TIAM2: variants seen among roughly 807,000 people sequenced by gnomAD.
The protein encoded by TIAM2 is rho guanine nucleotide exchange factor TIAM2.
In TIAM2, 80 loss-of-function variants were observed where a neutral mutation model predicts 152.9. That is an observed-to-expected ratio of 0.52 (90% CI 0.44 to 0.63). The LOEUF is 0.63. Among genes scored for constraint, TIAM2 ranks in the 30% least tolerant of loss-of-function variants. TIAM2 has a pLI of 0.00. For synonymous variants in TIAM2, 804 were observed against 838.0 expected (o/e 0.96, Z 0.70); for missense variants, 1,965 against 2,120.1 (o/e 0.93, Z 1.44).
At chr6:155,088,413 T>C (rs957417584) in intron 1 of TIAM2, among the ~76,000 whole-genome samples, 1 of 152,220 alleles carries the variant, frequency 6.6e-6, no homozygotes, top group Non-Finnish European at 1.5e-5. Context: ...GCATGAGTCA[T>C]TGTGATAGTC....
chr6:155,179,143 G>A lies in TIAM2; in HGVS notation c.2628G>A (p.Gln876=), dbSNP rs200288467. 2 of 1,610,414 alleles carry A rather than the reference G, an allele frequency of 1.2e-6. No individual in the cohort carries two copies. The highest frequency in any genetic ancestry group is 2.2e-5 in the East Asian group (1 of 44,858). The change falls in exon 11 of 27, where the codon CAG becomes CAA. Residue 876 remains glutamine (Q), a splice_region_variant and synonymous_variant. Coordinates refer to ENST00000682666, the MANE Select transcript of TIAM2 (RefSeq NM_012454.4). ...CACCATATGAATATATGCAACAACAGGTAAGTGTGCACTAGCTTTAGGAAG... is the reference window on the plus strand; with the variant it reads ...CACCATATGAATATATGCAACAACAAGTAAGTGTGCACTAGCTTTAGGAAG... ...IPAPYEYMQQ[Q]VYDEIEVFPL...
At chr6:155,063,086 G>A (rs954354743) in intron 1 of TIAM2, among the ~76,000 whole-genome samples, 1 of 151,846 alleles carries the variant, frequency 6.6e-6, no homozygotes, top group African/African-American at 2.4e-5. Flanking sequence ...TTGGATATGC[G>A]ATTTGCAGAT....
chr6:155,137,083 C>A, intron 4 of TIAM2, 94 bp from the exon 5 acceptor site: 2 of 1,307,870 alleles, frequency 1.5e-6, no homozygotes, highest in Non-Finnish European at 2.1e-6. Flanking sequence ...ATTACATTAT[C>A]AGCAGCCACT....
Position 155,179,411 on chromosome 6 carries a change from G to A in TIAM2, c.2662G>A (p.Val888Ile). ...YDEIEVFPLN[V>I]YDVQLTKTGS... ...TGAAATAGAAGTCTTTCCACTAAAT[G>A]TTTATGACGTGCAGCTCACGAAGAC... Residue 888 changes from valine (V) to isoleucine (I), a missense_variant, in exon 12 of 27, where the codon GTT becomes ATT. Val to Ile is a conservative substitution (Grantham distance 29). Around this residue, in one of 3 missense-constraint regions of TIAM2, gnomAD observed 1,025 missense variants for 1,119.4 expected, o/e 0.92. Transcript: ENST00000682666. 1 of 1,613,826 alleles carries A rather than the reference G, an allele frequency of 6.2e-7. No individual in the cohort carries two copies. The highest frequency in any genetic ancestry group is 8.5e-7 in the Non-Finnish European group (1 of 1,179,958).
At chr6:155,116,598 A>G (rs73573789) in intron 2 of TIAM2, among the ~76,000 whole-genome samples, 5,481 of 152,262 alleles carry the variant, frequency 0.036, 112 homozygotes, top group Middle Eastern at 0.061. Context: ...TGGTTACAGA[A>G]TGTGATTGGG....
At chr6:155,170,484 G>C (rs1247387474) in intron 9 of TIAM2, among the ~76,000 whole-genome samples, 1 of 152,070 alleles carries the variant, frequency 6.6e-6, no homozygotes, top group Admixed American at 6.5e-5. Context: ...GAGTGTAGTG[G>C]CTTGCTCCTC....
chr6:155,017,038 A>T (rs1778602708), intron 1 of TIAM2, among the ~76,000 whole-genome samples: 1 of 152,188 alleles, frequency 6.6e-6, no homozygotes, highest in Admixed American at 6.5e-5. Context: ...GATGACAGAG[A>T]ATTAATATGT....
intron 1 of TIAM2, among the ~76,000 whole-genome samples, chr6:155,016,725 C>G (rs1313832404): frequency 6.6e-6 from 1 of 152,022 alleles, no homozygotes; most frequent in East Asian, 1.9e-4. Flanking sequence ...ATGGTGAAAC[C>G]TGTCTCTACT....
chr6:155,029,357 A>C (rs1179549056), intron 1 of TIAM2, among the ~76,000 whole-genome samples: 1 of 103,082 alleles, frequency 9.7e-6, no homozygotes, highest in East Asian at 2.3e-4. Context: ...TATATACGTT[A>C]TATATAATAT....
At chr6:155,151,849 C>CTTTTTTTTTTT (rs5881123) in intron 7 of TIAM2, among the ~76,000 whole-genome samples, 1 of 127,680 alleles carries the variant, frequency 7.8e-6, no homozygotes, top group Non-Finnish European at 1.6e-5. Context: ...CTTTTTTTTT[C>CTTTTTTTTTTT]TTTTTTTTTT....
chr6:155,079,130 C>T (rs1287623729), intron 1 of TIAM2, among the ~76,000 whole-genome samples: 1 of 151,902 alleles, frequency 6.6e-6, no homozygotes, highest in East Asian at 1.9e-4. Context: ...GGTGCGATCT[C>T]GGCTCACTAC....
intron 13 of TIAM2, 77 bp from the exon 14 acceptor site, chr6:155,183,160 G>A: frequency 2.0e-6 from 3 of 1,538,002 alleles, no homozygotes; most frequent in South Asian, 2.5e-5. Context: ...GTTTGAGTTT[G>A]CAGCCTTCTT....
intron 2 of TIAM2, among the ~76,000 whole-genome samples, chr6:155,098,200 A>AT (rs1365502323): frequency 6.6e-6 from 1 of 150,598 alleles, no homozygotes; most frequent in Non-Finnish European, 1.5e-5. Flanking sequence ...TTTTTTTCCT[A>AT]TTTTTGTGAG....
intron 1 of TIAM2, among the ~76,000 whole-genome samples, chr6:155,004,537 G>C (rs1267051875): frequency 6.6e-6 from 1 of 151,916 alleles, no homozygotes; most frequent in Non-Finnish European, 1.5e-5. Context: ...ACTTGTTACA[G>C]GCGCCCGCCA....
intron 1 of TIAM2, among the ~76,000 whole-genome samples, chr6:155,054,582 GTTTTGTTTTTTTTT>G (rs928876436): frequency 6.1e-5 from 3 of 49,532 alleles, no homozygotes; most frequent in African/African-American, 1.5e-4. Context: ...GTTTTGTTTT[GTTTTGTTTTTTTTT>G]TTTGAGACGG....
chr6:155,256,473 T>TC lies in TIAM2; in HGVS notation c.4469-10dup. 1 of 1,614,130 alleles carries TC rather than the reference T, an allele frequency of 6.2e-7. No individual in the cohort carries two copies. The highest frequency in any genetic ancestry group is 8.5e-7 in the Non-Finnish European group (1 of 1,180,036). On this transcript the variant is annotated splice_polypyrimidine_tract_variant and intron_variant, in intron 26 of 26. Coordinates refer to ENST00000682666, the MANE Select transcript of TIAM2 (RefSeq NM_012454.4). ...TCTGTATCACAGCGAAATGTGTTTT[T>TC]CTCACTGTAGCTTCATCCAGGTCTT...
intron 1 of TIAM2, among the ~76,000 whole-genome samples, chr6:155,082,258 G>A (rs13192497): frequency 0.089 from 13,541 of 152,180 alleles, 756 homozygotes; most frequent in South Asian, 0.18. Context: ...CGGGAGGATT[G>A]CTTAAGTCTG....
chr6:155,008,910 T>C (rs1778441434), intron 1 of TIAM2, among the ~76,000 whole-genome samples: 1 of 152,128 alleles, frequency 6.6e-6, no homozygotes, highest in Non-Finnish European at 1.5e-5. Flanking sequence ...TTGGGGCAGT[T>C]GCTTAGCATG....
chr6:155,250,835 G>A, intron 21 of TIAM2, 78 bp from the exon 22 acceptor site: 1 of 1,409,868 alleles, frequency 7.1e-7, no homozygotes, highest in Non-Finnish European at 1.0e-6. Flanking sequence ...CAATGACTGT[G>A]TGTACATCAC....
Sources: allele counts gnomAD v4.1 joint callset (sites outside exome capture counted in the v4.1 genomes callset), GRCh38; gene constraint gnomAD v4.1.1; regional missense constraint gnomAD v4.1.1; transcripts MANE v1.5; gene names NCBI Gene and HGNC (gene_info 2026-07-23, HGNC 2026-07-21).